DENND2C: variants seen among roughly 807,000 people sequenced by gnomAD.
DENND2C encodes the protein DENN domain-containing protein 2C.
Under a neutral mutation model 112.4 loss-of-function variants are expected in DENND2C, and 72 were observed. That is an observed-to-expected ratio of 0.64 (90% confidence interval 0.53 to 0.78). The LOEUF (loss-of-function observed/expected upper bound fraction) is 0.78, where lower values mean the gene tolerates loss of function less well. DENND2C is among the 30% of genes least tolerant of loss of function. The pLI is 0.00. For synonymous variants in DENND2C, 329 were observed against 381.6 expected, an observed-to-expected ratio of 0.86 and a Z score of 1.61; for missense variants, 992 against 1,113.8, an observed-to-expected ratio of 0.89 and a Z score of 1.56.
At chr1:114,666,118 C>T (rs1657641108) in intron 1 of DENND2C, among the ~76,000 whole-genome samples, 1 of 152,178 alleles carries the variant, frequency 6.6e-6, no homozygotes, top group African/African-American at 2.4e-5. Flanking sequence ...TTTTCTGTTC[C>T]TCTTTTGAGC....
intron 3 of DENND2C, among the ~76,000 whole-genome samples, chr1:114,631,474 G>A (rs139016206): frequency 0.011 from 1,664 of 152,012 alleles, 23 homozygotes; most frequent in Middle Eastern, 0.054. Flanking sequence ...ATACCCAGGA[G>A]AAAAATCAAT....
intron 3 of DENND2C, among the ~76,000 whole-genome samples, chr1:114,643,758 TC>T (rs1417404303): frequency 6.6e-6 from 1 of 152,172 alleles, no homozygotes; most frequent in Admixed American, 6.5e-5. Flanking sequence ...TAAATTTAAT[TC>T]TTTAACAGTT....
chr1:114,603,435 ATT>A (rs1052244617), intron 11 of DENND2C, among the ~76,000 whole-genome samples: 1 of 144,684 alleles, frequency 6.9e-6, no homozygotes. Flanking sequence ...GCCAAGTCCA[ATT>A]TTTTTTTTTT....
intron 1 of DENND2C, among the ~76,000 whole-genome samples, chr1:114,665,477 A>G (rs2101702406): frequency 6.6e-6 from 1 of 152,328 alleles, no homozygotes; most frequent in African/African-American, 2.4e-5. Context: ...CAATTTTTCA[A>G]CTTTATGATG....
intron 3 of DENND2C, among the ~76,000 whole-genome samples, chr1:114,638,439 T>A (rs1656714401): frequency 6.6e-6 from 1 of 152,034 alleles, no homozygotes; most frequent in Non-Finnish European, 1.5e-5. Context: ...AATTAAAACC[T>A]TCTGCTCACT....
intron 2 of DENND2C, among the ~76,000 whole-genome samples, chr1:114,646,624 T>C (rs1656995765): frequency 6.6e-6 from 1 of 152,212 alleles, no homozygotes; most frequent in Non-Finnish European, 1.5e-5. Flanking sequence ...TACTCTTCCC[T>C]TGGGGATCAT....
chr1:114,593,795 C>G (rs1275259338), intron 18 of DENND2C, among the ~76,000 whole-genome samples: 1 of 151,926 alleles, frequency 6.6e-6, no homozygotes, highest in African/African-American at 2.4e-5. Flanking sequence ...AAACCCAAAA[C>G]AAACAAACAA....
intron 8 of DENND2C, among the ~76,000 whole-genome samples, chr1:114,611,427 T>C (rs1655812939): frequency 6.6e-6 from 1 of 152,222 alleles, no homozygotes; most frequent in Admixed American, 6.5e-5. Context: ...CAGAGTGGAT[T>C]CTATTTCTAT....
intron 3 of DENND2C, among the ~76,000 whole-genome samples, chr1:114,644,388 C>A (rs1185005339): frequency 2.6e-5 from 4 of 152,026 alleles, no homozygotes; most frequent in Admixed American, 2.0e-4. Flanking sequence ...GAAGAGTATG[C>A]ACCATACAGT....
At chr1:114,656,275 T>C (rs1408190558) in intron 1 of DENND2C, among the ~76,000 whole-genome samples, 2 of 152,108 alleles carry the variant, frequency 1.3e-5, no homozygotes, top group African/African-American at 2.4e-5. Context: ...GGTCTTACTA[T>C]GTTGTCCAAG....
intron 9 of DENND2C, 22 bp downstream of exon 9, chr1:114,611,051 G>A: frequency 3.7e-6 from 6 of 1,614,064 alleles, no homozygotes; most frequent in Non-Finnish European, 4.2e-6. Flanking sequence ...AACAACGGGA[G>A]CAGCCCCATT....
At chr1:114,589,466 T>C (rs529295683) in intron 18 of DENND2C, among the ~76,000 whole-genome samples, 1 of 152,320 alleles carries the variant, frequency 6.6e-6, no homozygotes, top group East Asian at 1.9e-4. Flanking sequence ...TCCAACACCC[T>C]TCCTTCTCAT....
At chr1:114,631,615 C>G (rs1200022221) in intron 3 of DENND2C, among the ~76,000 whole-genome samples, 1 of 151,984 alleles carries the variant, frequency 6.6e-6, no homozygotes, top group Non-Finnish European at 1.5e-5. Flanking sequence ...AACCCCATCT[C>G]TACTAAAAAT....
chr1:114,622,117 C>CTTGT lies in DENND2C; in HGVS notation c.1057-56_1057-53dup, dbSNP rs541403789. On this transcript the variant is annotated intron_variant, in intron 6 of 20. Coordinates refer to ENST00000393274, the MANE Select transcript of DENND2C (RefSeq NM_001256404.2). ...AGATCACCTAGTTTTGCTGTTGTTG[C>CTTGT]TTGTTTGTTTGTTTGAGATGGGGTC... 18 of 1,472,002 alleles carry CTTGT rather than the reference C, an allele frequency of 1.2e-5. No homozygotes were observed. The African/African-American group carries it at 1.6e-4, about 13-fold the overall frequency. The allele number at this position is 1,472,002 out of a possible 1,614,324, so 91.2% of individuals were successfully genotyped here. A position where few individuals can be genotyped will look rare whatever the true frequency, so the allele number is the denominator to read the frequency against.
At position 114,654,691 on chromosome 1, in the gene DENND2C, T is replaced by G. The variant is rs924500950; in HGVS notation, c.-503A>C. ...CTTTGGGGTACTATATAAGATTAAGTTTTGGTACATACAGCCGGAACTGGA... is the reference window on the plus strand; with the variant it reads ...CTTTGGGGTACTATATAAGATTAAGGTTTGGTACATACAGCCGGAACTGGA... On this transcript the variant is annotated 5_prime_UTR_variant, in exon 2 of 21. Transcript: ENST00000393274. 6.6e-6 allele frequency: 1 copy of G among 151,728 alleles called. No homozygotes were observed. The highest frequency in any genetic ancestry group is 2.4e-5 in the African/African-American group (1 of 41,258). The allele number at this position is 151,728 out of a possible 1,614,324, so 9.4% of individuals were successfully genotyped here.
chr1:114,602,145 C>A lies in DENND2C; in HGVS notation c.1717G>T (p.Gly573Cys). The part of the protein sequence containing the change: ...LTGEDGSRWF[G>C]YCKKLLPVGK... ...CTTACCAAGAGCTTCTTACAGTAAC[C>A]AAACCACCGGCTTCCATCTTCACCA... Residue 573 changes from glycine (G) to cysteine (C), a missense_variant, in exon 12 of 21, where the codon GGT (glycine) becomes TGT (cysteine). Gly to Cys is a radical substitution (Grantham distance 159). Transcript: ENST00000393274. 1 of 1,613,850 alleles carries A rather than the reference C, an allele frequency of 6.2e-7. No homozygotes were observed. The highest frequency in any genetic ancestry group is 8.5e-7 in the Non-Finnish European group (1 of 1,179,892).
intron 2 of DENND2C, among the ~76,000 whole-genome samples, chr1:114,652,578 C>G (rs532111528): frequency 5.9e-5 from 9 of 151,556 alleles, no homozygotes; most frequent in Non-Finnish European, 1.0e-4. Flanking sequence ...GATACCAAAA[C>G]CCATAAAGGC....
At chr1:114,585,836 AAGAACT>A (rs1655023976) in intron 20 of DENND2C, among the ~76,000 whole-genome samples, 1 of 152,214 alleles carries the variant, frequency 6.6e-6, no homozygotes, top group East Asian at 1.9e-4. Flanking sequence ...AGCGGCAGAA[AAGAACT>A]CAGACATCAT....
chr1:114,668,948 C>G (rs1427095752), intron 1 of DENND2C, among the ~76,000 whole-genome samples: 2 of 152,174 alleles, frequency 1.3e-5, no homozygotes, highest in African/African-American at 4.8e-5. Flanking sequence ...CTACAGACTT[C>G]GCGGTAAATG....
Sources: gnomAD v4.1 joint callset for allele counts (sites outside exome capture counted in the v4.1 genomes callset) on GRCh38, gnomAD v4.1.1 for gene constraint, MANE v1.5 for transcripts, NCBI Gene and HGNC (gene_info 2026-07-23, HGNC 2026-07-21) for gene names.